FAR1: variants seen among roughly 807,000 people sequenced by gnomAD.
The protein encoded by FAR1 is male sterility domain-containing protein 2.
A neutral mutation model predicts 61.1 loss-of-function variants in FAR1; 22 were observed. The observed-to-expected ratio is 0.36, with a 90% confidence interval of 0.26 to 0.51. The LOEUF (loss-of-function observed/expected upper bound fraction) is 0.51. Among genes scored for constraint, FAR1 ranks in the 20% least tolerant of loss-of-function variants. The probability of loss-of-function intolerance (pLI) is 0.95; values close to 1 mark genes in which losing one functional copy is unlikely to be tolerated. For missense variants in FAR1, 359 were observed against 626.9 expected (o/e 0.57, Z 4.56); for synonymous variants, 206 against 209.7 (o/e 0.98, Z 0.15).
intron 9 of FAR1, among the ~76,000 whole-genome samples, chr11:13,714,983 T>C (rs1309784145): frequency 6.6e-6 from 1 of 152,212 alleles, no homozygotes; most frequent in Non-Finnish European, 1.5e-5. Context: ...CAGGATATTA[T>C]GTAAGTCATT....
chr11:13,705,176 TTACCGAAGA>T (rs1164831065), intron 3 of FAR1, among the ~76,000 whole-genome samples: 1 of 152,154 alleles, frequency 6.6e-6, no homozygotes, highest in African/African-American at 2.4e-5. Flanking sequence ...AAAGCCTGTC[TTACCGAAGA>T]TACATTTATG....
rs1848689645 is a variant in FAR1 at position 13,728,539 on chromosome 11, T to C, written c.1386-73T>C. 10 of 1,347,978 alleles carry C rather than the reference T, an allele frequency of 7.4e-6. No individual in the cohort carries two copies. The South Asian group carries it at 1.3e-4, about 18-fold the overall frequency. 83.5% of individuals were successfully genotyped at this position (1,347,978 alleles called of 1,614,324 possible). ...TTGAGCTTTGATTAAAAACTCAGTA[T>C]TAATTAGCTGCCATCTAACAATATT... On this transcript the variant is annotated intron_variant, in intron 11 of 11. Coordinates refer to ENST00000354817, the MANE Select transcript of FAR1 (RefSeq NM_032228.6).
intron 1 of FAR1, among the ~76,000 whole-genome samples, chr11:13,679,381 C>T (rs1848101250): frequency 6.6e-6 from 1 of 152,054 alleles, no homozygotes; most frequent in South Asian, 2.1e-4. Context: ...TTTTCTTCCC[C>T]TAGAAGGAAA....
intron 1 of FAR1, among the ~76,000 whole-genome samples, chr11:13,672,882 T>C (rs1162892885): frequency 6.6e-6 from 1 of 152,220 alleles, no homozygotes; most frequent in African/African-American, 2.4e-5. Context: ...AATACATGAA[T>C]TTAAGGTTTA....
Position 13,694,764 on chromosome 11 carries a change from A to G in FAR1, c.-2A>G, listed in dbSNP as rs1281597682. The G allele has an allele frequency of 1.1e-5, 17 of 1,608,096 alleles. No homozygotes were observed. The highest frequency in any genetic ancestry group is 1.7e-5 in the Admixed American group (1 of 58,810). On this transcript the variant is annotated 5_prime_UTR_variant, in exon 2 of 12. Coordinates refer to ENST00000354817, the MANE Select transcript of FAR1 (RefSeq NM_032228.6). ...ATTTGCCATGTTTTTCTTAGGATCAAAATGGTTTCAATCCCAGAATACTAT... is the reference window on the plus strand; with the variant it reads ...ATTTGCCATGTTTTTCTTAGGATCAGAATGGTTTCAATCCCAGAATACTAT...
intron 1 of FAR1, among the ~76,000 whole-genome samples, chr11:13,681,347 A>G (rs768549512): frequency 2.0e-5 from 3 of 152,218 alleles, no homozygotes; most frequent in Non-Finnish European, 2.9e-5. Context: ...CAGTTACTTG[A>G]TGCTGTTTGT....
intron 1 of FAR1, among the ~76,000 whole-genome samples, chr11:13,673,321 T>A (rs764432564): frequency 5.3e-5 from 8 of 152,314 alleles, no homozygotes; most frequent in Non-Finnish European, 1.2e-4. Flanking sequence ...TGATTCCTAT[T>A]TCATCTAGGC....
In FAR1 at chr11:13,731,463, C is replaced by G. The variant is rs761626351; in HGVS notation, c.*2689C>G. On this transcript the variant is annotated 3_prime_UTR_variant, in exon 12 of 12. Transcript: ENST00000354817. ...ATTATTGGGTGCCTTTGTTTGTAAA[C>G]CAAAAAGTAATAAATGAATCCCTAT... The G allele has an allele frequency of 6.6e-6, 1 of 152,300 alleles. No homozygotes were observed. Among genetic ancestry groups the G allele is most frequent in the Non-Finnish European group, 1.5e-5 (1 of 67,950 alleles). 9.4% of individuals were successfully genotyped at this position (152,300 alleles called of 1,614,324 possible).
At chr11:13,728,493 A>T in intron 11 of FAR1, 119 bp from the exon 12 acceptor site, 1 of 898,800 alleles carries the variant, frequency 1.1e-6, no homozygotes, top group Non-Finnish European at 1.7e-6. Context: ...TGCCTATCAT[A>T]AGTTTCAAAT....
chr11:13,699,922 A>G (rs531854649), intron 2 of FAR1, among the ~76,000 whole-genome samples: 1 of 152,314 alleles, frequency 6.6e-6, no homozygotes, highest in Non-Finnish European at 1.5e-5. Context: ...GTGAAGTGAA[A>G]AATTAAGATC....
chr11:13,715,798 C>G (rs762887615), intron 9 of FAR1: 12 of 152,018 alleles, frequency 7.9e-5, no homozygotes, highest in Non-Finnish European at 1.6e-4. Flanking sequence ...ATTGGCATTA[C>G]AGTGGAGTCG....
chr11:13,697,460 C>T (rs1009786586), intron 2 of FAR1, among the ~76,000 whole-genome samples: 1 of 150,200 alleles, frequency 6.7e-6, no homozygotes, highest in African/African-American at 2.5e-5. Flanking sequence ...GACCCTATCT[C>T]AAAAAAATAA....
At chr11:13,717,573 G>A (rs1378036123) in intron 9 of FAR1, among the ~76,000 whole-genome samples, 1 of 152,166 alleles carries the variant, frequency 6.6e-6, no homozygotes, top group Non-Finnish European at 1.5e-5. Context: ...AAACTGGCCT[G>A]TGGGCTCTGT....
At chr11:13,687,443 A>T (rs1848199788) in intron 1 of FAR1, among the ~76,000 whole-genome samples, 1 of 152,200 alleles carries the variant, frequency 6.6e-6, no homozygotes, top group Admixed American at 6.5e-5. Flanking sequence ...TCAACAGATG[A>T]CAGGCGCTTG....
chr11:13,690,378 A>G (rs929385764), intron 1 of FAR1, among the ~76,000 whole-genome samples: 1 of 152,164 alleles, frequency 6.6e-6, no homozygotes, highest in Non-Finnish European at 1.5e-5. Flanking sequence ...GTCTTGGGAT[A>G]AACTTCATTT....
At chr11:13,719,883 G>A (rs1413747111) in intron 9 of FAR1, 1 of 152,038 alleles carries the variant, frequency 6.6e-6, no homozygotes, top group Admixed American at 6.6e-5. Flanking sequence ...TTACTCTAAA[G>A]GATTGTGATT....
intron 4 of FAR1, 26 bp downstream of exon 4, chr11:13,708,105 AT>A (rs1565347915): frequency 6.7e-7 from 1 of 1,503,476 alleles, no homozygotes; most frequent in South Asian, 1.3e-5. Context: ...ATTTATATAC[AT>A]TTACTTTGAT....
intron 1 of FAR1, among the ~76,000 whole-genome samples, chr11:13,675,925 C>T (rs1354528310): frequency 6.6e-6 from 1 of 152,082 alleles, no homozygotes; most frequent in East Asian, 1.9e-4. Context: ...AAAGTATATT[C>T]CCTAATGCAG....
chr11:13,727,825 G>A, intron 11 of FAR1, 142 bp downstream of exon 11: 2 of 730,896 alleles, frequency 2.7e-6, no homozygotes, highest in Admixed American at 6.6e-5. Context: ...TATTTGTAGT[G>A]CTTTTTAATG....
Sources: allele counts gnomAD v4.1 joint callset (sites outside exome capture counted in the v4.1 genomes callset), GRCh38; gene constraint gnomAD v4.1.1; transcripts MANE v1.5; gene names NCBI Gene and HGNC (gene_info 2026-07-23, HGNC 2026-07-21).